The following STRA6 variants were observed in gnomAD, a reference collection of about 807,000 sequenced individuals.
The protein encoded by STRA6 is signaling receptor and transporter of retinol STRA6, also known as receptor for retinol uptake STRA6.
Under a neutral mutation model 83.6 loss-of-function variants are expected in STRA6, and 48 were observed. That is an observed-to-expected ratio of 0.57 (90% confidence interval 0.46 to 0.73). The LOEUF is 0.73. STRA6 is among the 30% of genes least tolerant of loss of function. The pLI, the probability that STRA6 is intolerant of heterozygous loss-of-function variation, is 0.00. For missense variants in STRA6, 760 were observed against 838.8 expected, an observed-to-expected ratio of 0.91 and a Z score of 1.16; for synonymous variants, 353 against 362.3, an observed-to-expected ratio of 0.97 and a Z score of 0.29.
At chr15:74,201,860 G>C (rs1023181784) in intron 2 of STRA6, among the ~76,000 whole-genome samples, 2 of 152,102 alleles carry the variant, frequency 1.3e-5, no homozygotes, top group East Asian at 3.9e-4. Flanking sequence ...ATCACCCAGG[G>C]AGCCATCCCT....
Position 74,193,890 on chromosome 15 carries a change from C to A in STRA6, c.630G>T (p.Leu210=), listed in dbSNP as rs756695040. The change falls in exon 8 of 19, where the codon CTG becomes CTT. Residue 210 remains leucine (L), a synonymous_variant. Transcript: ENST00000395105. Reference sequence around the variant, plus strand: ...GGAATCCGAGGCCCAGCAGGAGAGGCAGGGAGGCCAGCAGGGAGTAGTACT... The same window carrying A: ...GGAATCCGAGGCCCAGCAGGAGAGGAAGGGAGGCCAGCAGGGAGTAGTACT... ...IYKYYSLLAS[L]PLLLGLGFLS... 2 of 1,613,828 alleles carry A rather than the reference C, an allele frequency of 1.2e-6. No individual in the cohort carries two copies.
chr15:74,203,551 T>G (rs1222151867), upstream of STRA6, among the ~76,000 whole-genome samples: 1 of 152,274 alleles, frequency 6.6e-6, no homozygotes, highest in Non-Finnish European at 1.5e-5. Context: ...TACAAGGGGC[T>G]TCGGCTTGGA....
At chr15:74,195,861 TA>T in intron 5 of STRA6, 146 bp downstream of exon 5, 3 of 1,243,656 alleles carry the variant, frequency 2.4e-6, no homozygotes, top group Non-Finnish European at 3.4e-6. Flanking sequence ...CTGGATGGTC[TA>T]AAAAGGTCAC....
At chr15:74,182,054 T>C in intron 16 of STRA6, 107 bp downstream of exon 16, 2 of 1,006,744 alleles carry the variant, frequency 2.0e-6, no homozygotes, top group South Asian at 1.3e-5. Flanking sequence ...CTGGGTTCCT[T>C]GATAGAGAGA....
intron 10 of STRA6, 130 bp from the exon 11 acceptor site, chr15:74,191,031 G>A (rs772970739): frequency 7.7e-6 from 12 of 1,565,346 alleles, no homozygotes; most frequent in South Asian, 2.3e-5. Context: ...GGGTCTTCCC[G>A]CTGTCCCAAG....
chr15:74,211,393 C>CTTTTTTTTTTTTT (rs34963230), upstream of STRA6, among the ~76,000 whole-genome samples: 1 of 73,902 alleles, frequency 1.4e-5, no homozygotes, highest in Non-Finnish European at 2.5e-5. Context: ...CTGCCCCTGG[C>CTTTTTTTTTTTTT]TTTTTTTTTT....
intron 16 of STRA6, 51 bp from the exon 17 acceptor site, chr15:74,181,509 C>T (rs769084855): frequency 6.2e-7 from 1 of 1,600,980 alleles, no homozygotes; most frequent in Non-Finnish European, 8.5e-7. Flanking sequence ...AGCTCCCTCC[C>T]CAGGGTCAGT....
chr15:74,194,554 A>T (rs2073718575), intron 7 of STRA6: 8 of 437,480 alleles, frequency 1.8e-5, no homozygotes, highest in Non-Finnish European at 2.8e-5. Flanking sequence ...GGTCTCAGAA[A>T]GGTGGCACTG....
upstream of STRA6, among the ~76,000 whole-genome samples, chr15:74,211,281 A>G (rs1051256789): frequency 6.6e-6 from 1 of 151,856 alleles, no homozygotes; most frequent in African/African-American, 2.4e-5. Context: ...GAAGGCCCCA[A>G]GTGTTGATTA....
intron 10 of STRA6, 25 bp from the exon 11 acceptor site, chr15:74,190,926 T>A (rs774286274): frequency 6.2e-7 from 1 of 1,613,998 alleles, no homozygotes; most frequent in Non-Finnish European, 8.5e-7. Context: ...GGAAGGAGTA[T>A]GGTGAACAGC....
At chr15:74,187,374 T>C (rs1055088045) in intron 12 of STRA6, among the ~76,000 whole-genome samples, 6 of 152,350 alleles carry the variant, frequency 3.9e-5, no homozygotes, top group Middle Eastern at 3.4e-3. Context: ...TCTTCCCTCA[T>C]GTGATTGAGG....
In STRA6 at chr15:74,202,170, T is replaced by G. The variant is rs777248211; in HGVS notation, c.98A>C (p.Glu33Ala). ...WYIDEPQGGE[E>A]LQPEGEVPSC... Reference sequence around the variant, plus strand: ...CCACACTTACCCCTCTGGCTGGAGCTCCTCGCCCCCCTGGGGCTCATCGAT... The same window carrying G: ...CCACACTTACCCCTCTGGCTGGAGCGCCTCGCCCCCCTGGGGCTCATCGAT... The change falls in exon 2 of 19, where the codon GAG becomes GCG. Residue 33 changes from glutamate to alanine, a missense_variant. Transcript: ENST00000395105. The G allele has an allele frequency of 6.6e-7, 1 of 1,504,776 alleles. No individual in the cohort carries two copies. The highest frequency in any genetic ancestry group is 2.3e-5 in the East Asian group (1 of 43,382). 93.2% of individuals were successfully genotyped at this position (1,504,776 alleles called of 1,614,324 possible). A position where few individuals can be genotyped will look rare whatever the true frequency, so the allele number is the denominator to read the frequency against.
chr15:74,194,614 T>C lies in STRA6; in HGVS notation c.597+688A>G, dbSNP rs776583547. 24 of 579,474 alleles carry C rather than the reference T, an allele frequency of 4.1e-5. 1 individual carries two copies. Among genetic ancestry groups the C allele is most frequent in the Non-Finnish European group, 6.1e-5 (24 of 391,778 alleles). The allele number at this position is 579,474 out of a possible 1,614,324, so 35.9% of individuals were successfully genotyped here. Reference sequence around the variant, plus strand: ...CTGGCATCATTTTGTTTGCGTGTCATGTCTGCCCTTCTGAAGTGACGGCTC... The same window carrying C: ...CTGGCATCATTTTGTTTGCGTGTCACGTCTGCCCTTCTGAAGTGACGGCTC... On this transcript the variant is annotated intron_variant, in intron 7 of 18. Transcript: ENST00000395105.
In STRA6 at chr15:74,191,469, TCA is replaced by T; in HGVS notation, c.741_742del (p.Glu248GlyfsTer251). ...GCAAAGGAGGTTCCTCAGATATTCCTCAGAGTAGCTGCTCTGCAGCCCCTGTG... is the reference window on the plus strand; with the variant it reads ...GCAAAGGAGGTTCCTCAGATATTCCTGAGTAGCTGCTCTGCAGCCCCTGTG... On this transcript the variant is annotated frameshift_variant, in exon 9 of 19. Transcript: ENST00000395105. LOFTEE classifies it high-confidence loss of function. The T allele has an allele frequency of 6.2e-7, 1 of 1,614,138 alleles. No individual in the cohort carries two copies. Among genetic ancestry groups the T allele is most frequent in the South Asian group, 1.1e-5 (1 of 91,080 alleles).
chr15:74,196,068 A>C lies in STRA6; in HGVS notation c.346T>G (p.Leu116Val). ...AATGCGTCCTCGTCGGGGAGCAGCA[A>C]ACACAGGGAGCTCAGGAGGACCATG... The part of the protein sequence containing the change: ...VFMVLLSSLC[L>V]LLPDEDALPF... The change falls in exon 5 of 19, where the codon TTG becomes GTG. Residue 116 changes from leucine to valine, a missense_variant. By Grantham distance (32) the Leu-to-Val change is conservative. Coordinates refer to ENST00000395105, the MANE Select transcript of STRA6 (RefSeq NM_022369.4). 1.2e-6 allele frequency: 2 copies of C among 1,614,028 alleles called. No individual in the cohort carries two copies. The highest frequency in any genetic ancestry group is 1.7e-6 in the Non-Finnish European group (2 of 1,180,018).
chr15:74,206,473 T>C (rs2074264838), upstream of STRA6, among the ~76,000 whole-genome samples: 1 of 152,174 alleles, frequency 6.6e-6, no homozygotes, highest in African/African-American at 2.4e-5. Flanking sequence ...AAGAGAAGGA[T>C]GGTAATGATG....
chr15:74,203,051 C>T, upstream of STRA6: 1 of 985,898 alleles, frequency 1.0e-6, no homozygotes, highest in Non-Finnish European at 1.2e-6. Context: ...CCCGCCACAT[C>T]TGCAGTGCCG....
intron 12 of STRA6, among the ~76,000 whole-genome samples, chr15:74,185,665 A>G (rs986480363): frequency 6.6e-6 from 1 of 152,202 alleles, no homozygotes; most frequent in Non-Finnish European, 1.5e-5. Context: ...GTCATGAACA[A>G]GCCTGGGTGT....
At position 74,183,754 on chromosome 15, in the gene STRA6, C is replaced by A. The variant is rs148978553; in HGVS notation, c.1300+102G>T. The A allele has an allele frequency of 0.022, 34,500 of 1,604,302 alleles. 450 individuals are homozygous for A. The highest frequency in any genetic ancestry group is 0.026 in the Non-Finnish European group (30,943 of 1,179,170). On this transcript the variant is annotated intron_variant, in intron 14 of 18. Transcript: ENST00000395105. ...CTGCCCCAGAGCATTCCCAGACAAACTCTGAGGGCAGTACTTGCTGAGCAC... is the reference window on the plus strand; with the variant it reads ...CTGCCCCAGAGCATTCCCAGACAAAATCTGAGGGCAGTACTTGCTGAGCAC...
Sources: allele counts gnomAD v4.1 joint callset (sites outside exome capture counted in the v4.1 genomes callset), GRCh38; gene constraint gnomAD v4.1.1; transcripts MANE v1.5; gene names NCBI Gene and HGNC (gene_info 2026-07-23, HGNC 2026-07-21).